RUBCNL: variants seen among roughly 807,000 people sequenced by gnomAD.
The protein encoded by RUBCNL is protein associated with UVRAG as autophagy enhancer.
In RUBCNL, 62 loss-of-function variants were observed where a neutral mutation model predicts 69.5. That is an observed-to-expected ratio of 0.89 (90% CI 0.73 to 1.10). RUBCNL has a LOEUF of 1.10. RUBCNL is among the 50% of genes least tolerant of loss of function. The probability of loss-of-function intolerance (pLI) is 0.00; values close to 1 mark genes in which losing one functional copy is unlikely to be tolerated. For synonymous variants in RUBCNL, 291 were observed against 303.6 expected, an observed-to-expected ratio of 0.96 and a Z score of 0.43; for missense variants, 768 against 798.1, an observed-to-expected ratio of 0.96 and a Z score of 0.45.
At chr13:46,381,593 G>A (rs763555402) in intron 1 of RUBCNL, among the ~76,000 whole-genome samples, 3 of 151,622 alleles carry the variant, frequency 2.0e-5, no homozygotes, top group South Asian at 2.1e-4. Flanking sequence ...TTCTTTTTTC[G>A]GTTTTCGAGA....
chr13:46,368,681 C>G, intron 4 of RUBCNL, 52 bp downstream of exon 4: 1 of 1,484,254 alleles, frequency 6.7e-7, no homozygotes, highest in South Asian at 1.2e-5. Context: ...CAGAACAACA[C>G]TATCTAAAGG....
intron 3 of RUBCNL, among the ~76,000 whole-genome samples, chr13:46,369,682 C>T (rs1048607616): frequency 6.6e-6 from 1 of 152,218 alleles, no homozygotes; most frequent in Non-Finnish European, 1.5e-5. Context: ...TGACCACCAT[C>T]AAAACAAACA....
At chr13:46,386,439 C>T (rs573375167) in intron 1 of RUBCNL, among the ~76,000 whole-genome samples, 1 of 152,260 alleles carries the variant, frequency 6.6e-6, no homozygotes, top group African/African-American at 2.4e-5. Flanking sequence ...TCTTAATTTT[C>T]ACTCAAGGCG....
At chr13:46,385,519 G>T (rs2049219126) in intron 1 of RUBCNL, among the ~76,000 whole-genome samples, 2 of 152,016 alleles carry the variant, frequency 1.3e-5, no homozygotes, top group East Asian at 1.9e-4. Context: ...TTCCATATTA[G>T]AAATAAGAAC....
At chr13:46,387,691 GTC>G, upstream of RUBCNL, 7 of 985,710 alleles carry the variant, frequency 7.1e-6, no homozygotes, top group Non-Finnish European at 7.2e-6. Context: ...AACGTGAGCT[GTC>G]TCTCTCTGAC....
At chr13:46,376,962 T>C (rs2049007599) in intron 2 of RUBCNL, among the ~76,000 whole-genome samples, 1 of 152,258 alleles carries the variant, frequency 6.6e-6, no homozygotes, top group Admixed American at 6.5e-5. Flanking sequence ...GATAGAAATT[T>C]ATTTTTAGCT....
At position 46,348,265 on chromosome 13, in the gene RUBCNL, T is replaced by C. The variant is rs567991480; in HGVS notation, c.1631+1021A>G. Among the ~76,000 whole-genome samples, 6 of 152,298 alleles carry C rather than the reference T, an allele frequency of 3.9e-5. No homozygotes were observed. The East Asian group carries it at 1.2e-3, about 29-fold the overall frequency. On this transcript the variant is annotated intron_variant, in intron 12 of 14. Coordinates refer to ENST00000429979, the MANE Select transcript of RUBCNL (RefSeq NM_025113.5). ...GAGTTTGGGGGCTGCATGGTGGTGA[T>C]GATTGCATAACGATGTTAATACTTT...
In RUBCNL at chr13:46,350,128, C is replaced by T; in HGVS notation, c.1554G>A (p.Glu518=). ...TGCGGCTCACCTTCACTCTGTCCAG[C>T]TCCTTGGCTTTCGCATACAGGCTTT... ...IGQSLYAKAK[E]LDRVKEIQEQ... Residue 518 remains glutamate (E), a synonymous_variant, in exon 11 of 15, where the codon GAG becomes GAA. Transcript: ENST00000429979. 6.4e-7 allele frequency: 1 copy of T among 1,567,844 alleles called. No individual in the cohort carries two copies. The highest frequency in any genetic ancestry group is 8.7e-7 in the Non-Finnish European group (1 of 1,155,420).
At chr13:46,347,155 C>T (rs1005827745) in intron 12 of RUBCNL, among the ~76,000 whole-genome samples, 3 of 152,108 alleles carry the variant, frequency 2.0e-5, no homozygotes, top group African/African-American at 7.2e-5. Flanking sequence ...CTAGTAACCC[C>T]AGCACTTTGG....
intron 1 of RUBCNL, among the ~76,000 whole-genome samples, chr13:46,383,594 C>T (rs2049168822): frequency 6.6e-6 from 1 of 152,112 alleles, no homozygotes; most frequent in Admixed American, 6.5e-5. Context: ...TATTAGCAAC[C>T]TAGCCCAGCC....
At chr13:46,356,334 A>G in intron 10 of RUBCNL, 98 bp downstream of exon 10, 1 of 1,177,152 alleles carries the variant, frequency 8.5e-7, no homozygotes, top group East Asian at 2.5e-5. Flanking sequence ...ACAACTTCTC[A>G]TCAAAGGCAT....
intron 12 of RUBCNL, among the ~76,000 whole-genome samples, chr13:46,347,849 C>T (rs1027189344): frequency 3.3e-5 from 5 of 151,962 alleles, no homozygotes; most frequent in African/African-American, 1.2e-4. Flanking sequence ...AAAAATTAGC[C>T]GGATGTGGTT....
rs1307603828 is a variant in RUBCNL at position 46,371,946 on chromosome 13, T to G, written c.530A>C (p.Asp177Ala). 1 of 1,613,818 alleles carries G rather than the reference T, an allele frequency of 6.2e-7. No individual in the cohort carries two copies. The highest frequency in any genetic ancestry group is 8.5e-7 in the Non-Finnish European group (1 of 1,179,792). ...AGGTCACCTACTAAAATTACCTTCA[T>G]CAGCAGCAGATGTCAGATGGGAAGG... is the stretch of plus-strand genomic sequence containing the variant. The part of the protein sequence containing the change: ...FEPSHLTSAA[D>A]EGAVQVSRRT... Residue 177 changes from aspartate to alanine, a missense_variant, in exon 3 of 15, where the codon GAT becomes GCT. Physicochemically the swap from Asp to Ala is moderately radical, Grantham distance 126. Transcript: ENST00000429979.
At position 46,372,585 on chromosome 13, in the gene RUBCNL, C is replaced by G; in HGVS notation, c.-110G>C. ...ACTCACCACATGGCCAGCTGGGGGT[C>G]TGGAGAGCTATTCTGCAATGAGCAA... On this transcript the variant is annotated 5_prime_UTR_variant, in exon 3 of 15. Transcript: ENST00000429979. The G allele has an allele frequency of 6.8e-7, 1 of 1,468,544 alleles. No individual in the cohort carries two copies. The highest frequency in any genetic ancestry group is 9.0e-7 in the Non-Finnish European group (1 of 1,109,006). The allele number at this position is 1,468,544 out of a possible 1,614,324, so 91.0% of individuals were successfully genotyped here.
intron 3 of RUBCNL, among the ~76,000 whole-genome samples, chr13:46,371,205 A>G (rs2048868307): frequency 6.6e-6 from 1 of 152,230 alleles, no homozygotes; most frequent in Non-Finnish European, 1.5e-5. Flanking sequence ...ATTGCTTTGA[A>G]AGAAAAAGCT....
intron 9 of RUBCNL, among the ~76,000 whole-genome samples, chr13:46,357,349 A>T (rs80177316): frequency 6.6e-6 from 1 of 151,196 alleles, no homozygotes; most frequent in Non-Finnish European, 1.5e-5. Context: ...AAAAAAAAAA[A>T]AAAGCTTCTG....
chr13:46,367,910 G>A (rs1045102954), intron 5 of RUBCNL, 132 bp downstream of exon 5: 1 of 836,400 alleles, frequency 1.2e-6, no homozygotes, highest in African/African-American at 1.7e-5. Flanking sequence ...TGTATATAGA[G>A]TTTGGTACTA....
At chr13:46,379,396 C>T (rs547317376) in intron 1 of RUBCNL, among the ~76,000 whole-genome samples, 2 of 152,266 alleles carry the variant, frequency 1.3e-5, no homozygotes, top group African/African-American at 4.8e-5. Flanking sequence ...TTTAAAATAA[C>T]GTATTTTGGA....
rs756204612 is a variant in RUBCNL, at chr13:46,368,295, T to C, written c.619-46A>G. The C allele has an allele frequency of 9.6e-5, 149 of 1,553,350 alleles. 1 individual carries two copies. Among genetic ancestry groups the C allele is most frequent in the Non-Finnish European group, 1.1e-4 (122 of 1,142,944 alleles). ...TAAAATACAAGCATAATCAACTTTT[T>C]CATGGAGGGTATATTAGATTTGAAA... On this transcript the variant is annotated intron_variant, in intron 4 of 14. Transcript: ENST00000429979.
Sources: gnomAD v4.1 joint callset for allele counts (sites outside exome capture counted in the v4.1 genomes callset) on GRCh38, gnomAD v4.1.1 for gene constraint, MANE v1.5 for transcripts, NCBI Gene and HGNC (gene_info 2026-07-23, HGNC 2026-07-21) for gene names.